The following STK39 variants were observed in gnomAD, a reference collection of about 807,000 sequenced individuals.
STK39 encodes the protein serine/threonine kinase 39.
In STK39, 20 loss-of-function variants were observed where a neutral mutation model predicts 77.8. The ratio of observed to expected loss-of-function variants is 0.26; its 90% CI spans 0.18 to 0.37. The LOEUF is 0.37. Ranked by LOEUF, STK39 falls within the 10% of genes least tolerant of loss-of-function variation. The pLI, the probability that STK39 is intolerant of heterozygous loss-of-function variation, is 1.00. For missense variants in STK39, 479 were observed against 656.5 expected, an observed-to-expected ratio of 0.73 and a Z score of 2.95; for synonymous variants, 246 against 234.1, an observed-to-expected ratio of 1.05 and a Z score of -0.47.
At chr2:167,986,941 C>A (rs1384984531) in intron 16 of STK39, among the ~76,000 whole-genome samples, 1 of 152,034 alleles carries the variant, frequency 6.6e-6, no homozygotes, top group Non-Finnish European at 1.5e-5. Context: ...CAATAATGCA[C>A]TAAGGAGTAA....
rs200674027 is a variant in STK39, at chr2:168,063,494, A to T, written c.1376+6T>A. 19 of 1,610,278 alleles carry T rather than the reference A, an allele frequency of 1.2e-5. No individual in the cohort carries two copies. Among genetic ancestry groups the T allele is most frequent in the Non-Finnish European group, 1.6e-5 (19 of 1,178,036 alleles). On this transcript the variant is annotated splice_donor_region_variant and intron_variant, in intron 14 of 17. Coordinates refer to ENST00000355999, the MANE Select transcript of STK39 (RefSeq NM_013233.3). Reference sequence around the variant, plus strand: ...ACAATGCAGAATAAACAACAGTATTATTTACCTTAATCTCAAAACGAGGTT... The same window carrying T: ...ACAATGCAGAATAAACAACAGTATTTTTTACCTTAATCTCAAAACGAGGTT...
At position 167,979,058 on chromosome 2, in the gene STK39, G is replaced by A. The variant is rs1011323256; in HGVS notation, c.1499-14332C>T. Among the ~76,000 whole-genome samples, 6 of 151,870 alleles carry A rather than the reference G, an allele frequency of 4.0e-5. No individual in the cohort carries two copies. The East Asian group carries it at 5.8e-4, about 15-fold the overall frequency. ...GTAGTATTCCATTGTATGCTATACC[G>A]GTTTGTTTACATATTCACCTCTTGA... On this transcript the variant is annotated intron_variant, in intron 16 of 17. Transcript: ENST00000355999.
intron 14 of STK39, among the ~76,000 whole-genome samples, chr2:168,047,419 T>C (rs1574419262): frequency 6.6e-6 from 1 of 152,182 alleles, no homozygotes; most frequent in Non-Finnish European, 1.5e-5. Context: ...AGCAAAATGG[T>C]GCAACCAAAC....
intron 10 of STK39, among the ~76,000 whole-genome samples, chr2:168,106,269 T>C (rs150354816): frequency 1.7e-4 from 26 of 152,312 alleles, no homozygotes; most frequent in African/African-American, 6.3e-4. Flanking sequence ...GCACCTCAGT[T>C]TTCTCATCTG....
At chr2:168,057,900 T>A (rs1685567724) in intron 14 of STK39, among the ~76,000 whole-genome samples, 1 of 152,200 alleles carries the variant, frequency 6.6e-6, no homozygotes, top group Admixed American at 6.5e-5. Flanking sequence ...ATCTAACAGA[T>A]GTCTGGGGAT....
intron 10 of STK39, among the ~76,000 whole-genome samples, chr2:168,099,138 C>T (rs1345592180): frequency 2.0e-5 from 3 of 152,218 alleles, no homozygotes; most frequent in Non-Finnish European, 4.4e-5. Flanking sequence ...AGGTACAACG[C>T]CATGAGAGAG....
chr2:168,010,913 G>A (rs973210912), intron 16 of STK39, among the ~76,000 whole-genome samples: 1 of 152,190 alleles, frequency 6.6e-6, no homozygotes, highest in African/African-American at 2.4e-5. Flanking sequence ...TGATAGGTGT[G>A]TGTATCTACC....
chr2:168,042,853 T>C (rs11686543), intron 14 of STK39, among the ~76,000 whole-genome samples: 89,809 of 151,934 alleles, frequency 0.59, 26,928 homozygotes, highest in Admixed American at 0.68. Context: ...GCTGGGATTA[T>C]AGGAGTGAGC....
chr2:168,018,473 G>A lies in STK39; in HGVS notation c.1377-1378C>T, dbSNP rs371418261. On this transcript the variant is annotated intron_variant, in intron 14 of 17. Coordinates refer to ENST00000355999, the MANE Select transcript of STK39 (RefSeq NM_013233.3). The stretch of plus-strand genomic sequence containing the variant: ...ACACCACTGCATTACAGCTTGGGTG[G>A]CAGAGCAAGAGTTCATCTCATTTTT... Among the ~76,000 whole-genome samples, 62 of 150,360 alleles carry A rather than the reference G, an allele frequency of 4.1e-4. 1 individual carries two copies. In the South Asian group the frequency reaches 0.013, roughly 32 times the overall value.
At chr2:168,019,791 C>T (rs906766333) in intron 14 of STK39, among the ~76,000 whole-genome samples, 1 of 152,192 alleles carries the variant, frequency 6.6e-6, no homozygotes, top group Admixed American at 6.5e-5. Context: ...GCAACCTCTG[C>T]CTCCCGGGTT....
rs1480358504 is a variant in STK39 at position 168,129,566 on chromosome 2, G to A, written c.1064C>T (p.Pro355Leu). The A allele has an allele frequency of 3.1e-6, 5 of 1,614,030 alleles. No individual in the cohort carries two copies. The highest frequency in any genetic ancestry group is 3.4e-6 in the Non-Finnish European group (4 of 1,179,954). Residue 355 changes from proline to leucine, a missense_variant, in exon 10 of 18, where the codon CCA (proline) becomes CTA (leucine). Physicochemically the swap from Pro to Leu is moderately conservative, Grantham distance 98. Coordinates refer to ENST00000355999, the MANE Select transcript of STK39 (RefSeq NM_013233.3). ...YLIEKLLTRT[P>L]DIAQRAKKVR... ...CTTTTTGGCTCTTTGGGCTATGTCT[G>A]GTGTTCTTGTAAGCAGCTTCTCAAT...
intron 10 of STK39, among the ~76,000 whole-genome samples, chr2:168,122,964 A>G (rs541589550): frequency 6.6e-6 from 1 of 152,360 alleles, no homozygotes; most frequent in African/African-American, 2.4e-5. Flanking sequence ...TTTACAATAA[A>G]GAAACTGGAA....
At chr2:168,165,078 CT>C (rs773113954) in intron 3 of STK39, among the ~76,000 whole-genome samples, 7 of 152,002 alleles carry the variant, frequency 4.6e-5, no homozygotes, top group Non-Finnish European at 8.8e-5. Context: ...AAAAAAACCT[CT>C]GTTTATTTGT....
chr2:168,227,758 C>G (rs182784840), intron 1 of STK39, among the ~76,000 whole-genome samples: 2 of 152,138 alleles, frequency 1.3e-5, no homozygotes, highest in South Asian at 2.1e-4. Flanking sequence ...CCCAGGTTCA[C>G]GCCATTCTCC....
At chr2:168,247,061 T>TTAAAA (rs1213358903) in intron 1 of STK39, among the ~76,000 whole-genome samples, 167 bp downstream of exon 1, 1,315 of 89,250 alleles carry the variant, frequency 0.015, 90 homozygotes, top group Non-Finnish European at 0.023. Context: ...CATTAAAAAT[T>TTAAAA]AAAAAAAAAA....
At chr2:168,076,468 T>C (rs576666871) in intron 10 of STK39, among the ~76,000 whole-genome samples, 1 of 152,280 alleles carries the variant, frequency 6.6e-6, no homozygotes, top group South Asian at 2.1e-4. Context: ...AACACAGAAC[T>C]TAAATTTAAA....
intron 14 of STK39, among the ~76,000 whole-genome samples, chr2:168,044,383 G>A (rs985098795): frequency 6.6e-6 from 1 of 152,166 alleles, no homozygotes; most frequent in African/African-American, 2.4e-5. Context: ...ACTACGATAA[G>A]TTTGGAGTCC....
intron 1 of STK39, among the ~76,000 whole-genome samples, chr2:168,217,634 C>T (rs1453951710): frequency 6.6e-6 from 1 of 152,160 alleles, no homozygotes; most frequent in African/African-American, 2.4e-5. Flanking sequence ...TGCATATAAC[C>T]TATGCATATC....
intron 1 of STK39, among the ~76,000 whole-genome samples, chr2:168,226,982 G>A (rs1007957237): frequency 3.9e-4 from 60 of 152,176 alleles, no homozygotes; most frequent in African/African-American, 1.4e-3. Flanking sequence ...TAAAGGAGGT[G>A]GATCTCTGAG....
Sources: allele counts gnomAD v4.1 joint callset (sites outside exome capture counted in the v4.1 genomes callset), GRCh38; gene constraint gnomAD v4.1.1; transcripts MANE v1.5; gene names NCBI Gene and HGNC (gene_info 2026-07-23, HGNC 2026-07-21).